WDR64: variants seen among roughly 807,000 people sequenced by gnomAD.
WDR64 encodes the protein WD repeat domain 64.
A neutral mutation model predicts 139.3 loss-of-function variants in WDR64; 112 were observed. The ratio of observed to expected loss-of-function variants is 0.80; its 90% CI spans 0.69 to 0.94. The LOEUF is 0.94. Among genes scored for constraint, WDR64 ranks in the 40% least tolerant of loss-of-function variants. The probability of loss-of-function intolerance (pLI) is 0.00; values close to 1 mark genes in which losing one functional copy is unlikely to be tolerated. For missense variants in WDR64, 1,206 were observed against 1,293.1 expected (o/e 0.93, Z 1.03); for synonymous variants, 444 against 437.7 (o/e 1.01, Z -0.18).
intron 10 of WDR64, among the ~76,000 whole-genome samples, chr1:241,724,180 G>C (rs1558491860): frequency 6.6e-6 from 1 of 152,052 alleles, no homozygotes; most frequent in Non-Finnish European, 1.5e-5. Flanking sequence ...TTCCTACATG[G>C]AAATATTGTG....
At chr1:241,668,077 A>G (rs1666087684) in intron 2 of WDR64, among the ~76,000 whole-genome samples, 1 of 152,224 alleles carries the variant, frequency 6.6e-6, no homozygotes, top group African/African-American at 2.4e-5. Context: ...ACGCAGGTTT[A>G]CTGTATTATC....
At chr1:241,792,345 A>G (rs550897276) in intron 25 of WDR64, among the ~76,000 whole-genome samples, 66 of 152,056 alleles carry the variant, frequency 4.3e-4, no homozygotes, top group African/African-American at 1.6e-3. Context: ...GACCATCCTG[A>G]CTAACATGGT....
intron 1 of WDR64, among the ~76,000 whole-genome samples, chr1:241,655,971 G>A (rs1337573841): frequency 3.3e-5 from 5 of 152,140 alleles, no homozygotes; most frequent in Non-Finnish European, 5.9e-5. Flanking sequence ...CTGGCACAGG[G>A]CCTGGTGTCC....
intron 23 of WDR64, 116 bp downstream of exon 23, chr1:241,783,497 T>A: frequency 1.4e-6 from 1 of 702,636 alleles, no homozygotes; most frequent in Non-Finnish European, 2.3e-6. Flanking sequence ...CTGATTTAAA[T>A]AAATAAGTAA....
At chr1:241,724,775 G>A (rs549710517) in intron 10 of WDR64, among the ~76,000 whole-genome samples, 13 of 152,314 alleles carry the variant, frequency 8.5e-5, no homozygotes, top group African/African-American at 2.9e-4. Context: ...CAAACTTTCT[G>A]TAAATTATAA....
intron 10 of WDR64, among the ~76,000 whole-genome samples, chr1:241,736,018 C>G (rs1399727545): frequency 6.6e-6 from 1 of 152,076 alleles, no homozygotes; most frequent in Non-Finnish European, 1.5e-5. Context: ...GTGATGTGCC[C>G]TACCCTCACT....
Position 241,770,617 on chromosome 1 carries a change from A to G in WDR64, c.2184-4A>G, listed in dbSNP as rs917488685. ...ACCTGTGGGCTTCCCCACTCCCCTTATAGGAGATCAAGTCAGGATTCCATA... is the reference window on the plus strand; with the variant it reads ...ACCTGTGGGCTTCCCCACTCCCCTTGTAGGAGATCAAGTCAGGATTCCATA... On this transcript the variant is annotated splice_polypyrimidine_tract_variant and splice_region_variant and intron_variant, in intron 17 of 27. Coordinates refer to ENST00000437684, the MANE Select transcript of WDR64 (RefSeq NM_001367482.1). The G allele has an allele frequency of 1.2e-5, 18 of 1,551,156 alleles. No individual in the cohort carries two copies. The Admixed American group carries it at 2.6e-4, about 22-fold the overall frequency.
chr1:241,741,891 T>C (rs1669561302), intron 12 of WDR64, among the ~76,000 whole-genome samples: 1 of 152,168 alleles, frequency 6.6e-6, no homozygotes, highest in Non-Finnish European at 1.5e-5. Flanking sequence ...TAAACACAGC[T>C]AGTTTTCACA....
intron 11 of WDR64, 100 bp from the exon 12 acceptor site, chr1:241,741,416 C>T (rs1482914051): frequency 1.5e-5 from 14 of 955,242 alleles, no homozygotes; most frequent in Non-Finnish European, 2.1e-5. Context: ...TTGCTAATCT[C>T]ACTGTTTGGC....
chr1:241,751,327 C>A lies in WDR64; in HGVS notation c.1770+1605C>A, dbSNP rs1669973940. ...ATAATAAATTTCTTTCCCTAAATTC[C>A]AAACCCCATTTCTCTGTTTGCCCAG... On this transcript the variant is annotated intron_variant, in intron 14 of 27. Transcript: ENST00000437684. Among the ~76,000 whole-genome samples, 3 of 152,108 alleles carry A rather than the reference C, an allele frequency of 2.0e-5. 1 individual carries two copies. The South Asian group carries it at 6.2e-4, about 32-fold the overall frequency.
rs1347655732 is a variant in WDR64 at position 241,802,490 on chromosome 1, GC to G, written c.*1276del. On this transcript the variant is annotated 3_prime_UTR_variant, in exon 28 of 28. Coordinates refer to ENST00000437684, the MANE Select transcript of WDR64 (RefSeq NM_001367482.1). ...ATCTTAATAAAGTTTGGGTTATACA[GC>G]TAGGTGTGCATTTCAAAATTTATTG... Among the ~76,000 whole-genome samples the G allele has an allele frequency of 6.6e-6, 1 of 152,134 alleles. No individual in the cohort carries two copies. Among genetic ancestry groups the G allele is most frequent in the Non-Finnish European group, 1.5e-5 (1 of 68,004 alleles).
chr1:241,667,338 T>C (rs114746699), intron 2 of WDR64, among the ~76,000 whole-genome samples: 6,461 of 152,260 alleles, frequency 0.042, 167 homozygotes, highest in Non-Finnish European at 0.053. Flanking sequence ...AAGTTGTGTT[T>C]ATAAAATGAG....
intron 4 of WDR64, chr1:241,677,472 G>A (rs41307706): frequency 0.044 from 17,659 of 398,492 alleles, 504 homozygotes; most frequent in Non-Finnish European, 0.054. Flanking sequence ...CTTCTGGGCC[G>A]CTGTTTCCTA....
chr1:241,653,270 G>C (rs899087615), intron 1 of WDR64, among the ~76,000 whole-genome samples: 3 of 152,176 alleles, frequency 2.0e-5, no homozygotes, highest in Non-Finnish European at 4.4e-5. Flanking sequence ...AAGACTAACA[G>C]AACAAACCCT....
At chr1:241,775,602 C>A (rs974947859) in intron 21 of WDR64, among the ~76,000 whole-genome samples, 1 of 152,172 alleles carries the variant, frequency 6.6e-6, no homozygotes, top group Non-Finnish European at 1.5e-5. Context: ...GATTTTTTCT[C>A]AGTAGGGGAC....
In WDR64 at chr1:241,683,618, C is replaced by G. The variant is rs1244226359; in HGVS notation, c.756C>G (p.Val252=). The G allele has an allele frequency of 2.2e-5, 34 of 1,551,244 alleles. No homozygotes were observed. The highest frequency in any genetic ancestry group is 2.6e-5 in the Non-Finnish European group (30 of 1,146,942). ...GGGGTTTTGTGAACAGATTCACAGT[C>G]AACAGTGATGACTTTGGAATAAAGC... ...DDGGFVNRFT[V]NSDDFGIKQA... The change falls in exon 7 of 28, where the codon GTC becomes GTG. Residue 252 remains valine, a synonymous_variant. Transcript: ENST00000437684.
intron 25 of WDR64, among the ~76,000 whole-genome samples, chr1:241,791,482 C>A (rs1413555879): frequency 6.6e-6 from 1 of 152,140 alleles, no homozygotes; most frequent in African/African-American, 2.4e-5. Flanking sequence ...GTCTAGGCAA[C>A]ATAGTGAGAC....
chr1:241,794,995 G>T (rs1054226242), intron 25 of WDR64, among the ~76,000 whole-genome samples: 1 of 151,630 alleles, frequency 6.6e-6, no homozygotes, highest in Non-Finnish European at 1.5e-5. Context: ...TTGATGTATT[G>T]TGACCATGAA....
intron 18 of WDR64, among the ~76,000 whole-genome samples, chr1:241,771,436 AT>A (rs1658424992): frequency 6.6e-6 from 1 of 152,258 alleles, no homozygotes; most frequent in South Asian, 2.1e-4. Flanking sequence ...TACTCTCGTT[AT>A]TATGCTGGTA....
Sources: allele counts gnomAD v4.1 joint callset (sites outside exome capture counted in the v4.1 genomes callset), GRCh38; gene constraint gnomAD v4.1.1; transcripts MANE v1.5; gene names NCBI Gene and HGNC (gene_info 2026-07-23, HGNC 2026-07-21).